GPR176: variants seen among roughly 807,000 people sequenced by gnomAD.
GPR176 encodes the protein G protein-coupled receptor 176, also known as G-protein coupled receptor 176.
Under a neutral mutation model 35.4 loss-of-function variants are expected in GPR176, and 26 were observed. That is an observed-to-expected ratio of 0.74 (90% confidence interval 0.54 to 1.02). GPR176 has a LOEUF of 1.02. Ranked by LOEUF, GPR176 falls within the 50% of genes least tolerant of loss-of-function variation. The probability of loss-of-function intolerance (pLI) is 0.00; values close to 1 mark genes in which losing one functional copy is unlikely to be tolerated. For synonymous variants in GPR176, 278 were observed against 271.3 expected, an observed-to-expected ratio of 1.02 and a Z score of -0.24; for missense variants, 597 against 665.3, an observed-to-expected ratio of 0.90 and a Z score of 1.13.
chr15:39,880,916 A>C (rs2032449978), intron 1 of GPR176, among the ~76,000 whole-genome samples: 1 of 152,290 alleles, frequency 6.6e-6, no homozygotes, highest in Admixed American at 6.5e-5. Context: ...CATCATCTCC[A>C]GCCTTCACCC....
chr15:39,838,135 A>C (rs1299458717), intron 1 of GPR176, among the ~76,000 whole-genome samples: 1 of 152,010 alleles, frequency 6.6e-6, no homozygotes, highest in African/African-American at 2.4e-5. Flanking sequence ...GAATATTTTT[A>C]TATATGGACA....
chr15:39,910,159 G>C (rs1206495182), intron 1 of GPR176, among the ~76,000 whole-genome samples: 2 of 152,328 alleles, frequency 1.3e-5, no homozygotes, highest in Admixed American at 1.3e-4. Flanking sequence ...TATGATGACT[G>C]AAAGAAATAA....
chr15:39,878,370 ACTGT>A (rs2032338690), intron 1 of GPR176, among the ~76,000 whole-genome samples: 1 of 151,962 alleles, frequency 6.6e-6, no homozygotes. Context: ...ATCATACAGT[ACTGT>A]CTTTTTGTGG....
chr15:39,867,928 T>C (rs1463924528), intron 1 of GPR176, among the ~76,000 whole-genome samples: 6 of 152,080 alleles, frequency 3.9e-5, no homozygotes. Context: ...GGGCAAGATT[T>C]TACATGAGGT....
chr15:39,883,780 T>A (rs944696566), intron 1 of GPR176, among the ~76,000 whole-genome samples: 1 of 152,194 alleles, frequency 6.6e-6, no homozygotes, highest in Non-Finnish European at 1.5e-5. Flanking sequence ...TTTCTTGCCA[T>A]AAGCAAATGG....
intron 2 of GPR176, among the ~76,000 whole-genome samples, chr15:39,803,187 T>C (rs956256194): frequency 6.6e-6 from 1 of 152,110 alleles, no homozygotes; most frequent in Non-Finnish European, 1.5e-5. Context: ...AGTCAGTTAA[T>C]GCTGGGGTTG....
At chr15:39,886,419 C>A (rs2032677005) in intron 1 of GPR176, among the ~76,000 whole-genome samples, 1 of 152,066 alleles carries the variant, frequency 6.6e-6, no homozygotes, top group African/African-American at 2.4e-5. Context: ...TTGCACAAGT[C>A]ACTTCATCCC....
intron 1 of GPR176, among the ~76,000 whole-genome samples, chr15:39,893,375 C>A (rs1031151326): frequency 7.2e-5 from 11 of 151,952 alleles, no homozygotes; most frequent in African/African-American, 2.2e-4. Context: ...ATCCATTTAA[C>A]CCTGAGTGGA....
intron 1 of GPR176, among the ~76,000 whole-genome samples, chr15:39,848,802 G>A (rs1033503403): frequency 3.3e-5 from 5 of 151,386 alleles, no homozygotes; most frequent in African/African-American, 4.8e-5. Flanking sequence ...AAAATTTGTG[G>A]GACATAGCTA....
chr15:39,917,655 A>G (rs1595530294), intron 1 of GPR176, among the ~76,000 whole-genome samples: 1 of 151,986 alleles, frequency 6.6e-6, no homozygotes, highest in Non-Finnish European at 1.5e-5. Flanking sequence ...TTTTAAGGAA[A>G]CCAGACATAC....
chr15:39,872,687 T>C (rs2032088080), intron 1 of GPR176, among the ~76,000 whole-genome samples: 1 of 152,118 alleles, frequency 6.6e-6, no homozygotes, highest in Non-Finnish European at 1.5e-5. Flanking sequence ...TGCAGGCACA[T>C]TCATATGATG....
rs554427476 is a variant in GPR176 at position 39,895,691 on chromosome 15, G to T, written c.172+24164C>A. On this transcript the variant is annotated intron_variant, in intron 1 of 2. Coordinates refer to ENST00000561100, the MANE Select transcript of GPR176 (RefSeq NM_007223.3). ...TTTAATGGATGATGAGGGTGGTAGA[G>T]CATTTAATGATATGGTATGGACACT... Among the ~76,000 whole-genome samples, 4 of 152,154 alleles carry T rather than the reference G, an allele frequency of 2.6e-5. No individual in the cohort carries two copies. In the South Asian group the frequency reaches 8.3e-4, roughly 32 times the overall value.
chr15:39,856,217 T>G (rs570498864), intron 1 of GPR176, among the ~76,000 whole-genome samples: 1 of 152,290 alleles, frequency 6.6e-6, no homozygotes, highest in African/African-American at 2.4e-5. Context: ...ATTCTGACAA[T>G]CCTATCCAAA....
intron 1 of GPR176, among the ~76,000 whole-genome samples, chr15:39,828,783 T>G (rs965188822): frequency 1.3e-5 from 2 of 152,306 alleles, no homozygotes; most frequent in East Asian, 3.9e-4. Flanking sequence ...AAACTACTGC[T>G]TTCACCACAG....
chr15:39,867,084 A>G (rs2031860433), intron 1 of GPR176, among the ~76,000 whole-genome samples: 1 of 152,216 alleles, frequency 6.6e-6, no homozygotes, highest in African/African-American at 2.4e-5. Context: ...CCAGAATCCA[A>G]GTGAAAGATT....
chr15:39,889,927 T>C (rs2032811007), intron 1 of GPR176, among the ~76,000 whole-genome samples: 1 of 152,196 alleles, frequency 6.6e-6, no homozygotes, highest in East Asian at 1.9e-4. Context: ...CAATTCTCCA[T>C]CTACCCAAGG....
At chr15:39,917,341 C>CTTT (rs766888618) in intron 1 of GPR176, among the ~76,000 whole-genome samples, 4 of 134,994 alleles carry the variant, frequency 3.0e-5, no homozygotes, top group African/African-American at 8.1e-5. Context: ...TGTGATTGAA[C>CTTT]TTTTTTTTTT....
intron 1 of GPR176, among the ~76,000 whole-genome samples, chr15:39,866,128 TAAG>T (rs1469508921): frequency 6.6e-6 from 1 of 152,072 alleles, no homozygotes; most frequent in Admixed American, 6.5e-5. Flanking sequence ...ATTTTTTGTA[TAAG>T]AAAAAGTGGA....
At chr15:39,906,840 C>T (rs2033435488) in intron 1 of GPR176, among the ~76,000 whole-genome samples, 1 of 152,236 alleles carries the variant, frequency 6.6e-6, no homozygotes, top group East Asian at 1.9e-4. Flanking sequence ...TCCCCAAGCA[C>T]TTCATTCAAT....
Sources: allele counts gnomAD v4.1 joint callset (sites outside exome capture counted in the v4.1 genomes callset), GRCh38; gene constraint gnomAD v4.1.1; transcripts MANE v1.5; gene names NCBI Gene and HGNC (gene_info 2026-07-23, HGNC 2026-07-21).